Variants in ST6GALNAC2 observed in about 807,000 individuals in gnomAD.
ST6GALNAC2 encodes the protein ST6 N-acetylgalactosaminide alpha-2,6-sialyltransferase 2, also known as alpha-N-acetylgalactosaminide alpha-2,6-sialyltransferase 2.
In ST6GALNAC2, 42 loss-of-function variants were observed where a neutral mutation model predicts 38.7. The ratio of observed to expected loss-of-function variants is 1.09; its 90% confidence interval spans 0.85 to 1.40. The LOEUF is 1.40. Among genes scored for constraint, ST6GALNAC2 ranks in the 40% most tolerant of loss-of-function variants. ST6GALNAC2 has a pLI of 0.00. For synonymous variants in ST6GALNAC2, 233 were observed against 209.0 expected (o/e 1.11, Z -0.99); for missense variants, 506 against 481.7 (o/e 1.05, Z -0.47).
At chr17:76,583,624 CTG>C (rs2075507268) in intron 1 of ST6GALNAC2, among the ~76,000 whole-genome samples, 1 of 135,392 alleles carries the variant, frequency 7.4e-6, no homozygotes, top group African/African-American at 2.8e-5. Flanking sequence ...TTTTTCTTTT[CTG>C]CTCCTTGTGG....
intron 6 of ST6GALNAC2, chr17:76,569,951 A>C (rs2075334331): frequency 5.3e-6 from 1 of 189,502 alleles, no homozygotes; most frequent in South Asian, 1.9e-4. Flanking sequence ...AAATTGTCTC[A>C]GAACCCCCGG....
rs1394302172 is a variant in ST6GALNAC2 at position 76,568,796 on chromosome 17, C to T, written c.774G>A (p.Arg258=). 1.2e-6 allele frequency: 2 copies of T among 1,613,022 alleles called. No individual in the cohort carries two copies. The highest frequency in any genetic ancestry group is 1.7e-6 in the Non-Finnish European group (2 of 1,179,904). Residue 258 remains arginine, a splice_region_variant and synonymous_variant, in exon 7 of 9, where the codon AGG becomes AGA. Transcript: ENST00000225276. ...PVPEGLDKGD[R]PHAYFGPEAS... ...CTTCTGGTCCAAAATAGGCGTGCGG[C>T]CTAGGACCCATGATAGAAGTGGACA...
chr17:76,583,651 A>G (rs186398741), intron 1 of ST6GALNAC2, among the ~76,000 whole-genome samples: 39 of 147,002 alleles, frequency 2.7e-4, no homozygotes, highest in African/African-American at 9.6e-4. Context: ...GGGCTACCCC[A>G]TAGGCAGTGG....
At chr17:76,583,375 C>CAAAA (rs71158028) in intron 1 of ST6GALNAC2, among the ~76,000 whole-genome samples, 1 of 97,528 alleles carries the variant, frequency 1.0e-5, no homozygotes, top group East Asian at 3.2e-4. Flanking sequence ...GACTCTGTCC[C>CAAAA]AAAAAAAAAA....
chr17:76,577,063 CTTTT>C (rs201269670), intron 2 of ST6GALNAC2, among the ~76,000 whole-genome samples: 1 of 116,530 alleles, frequency 8.6e-6, no homozygotes, highest in Non-Finnish European at 1.7e-5. Flanking sequence ...TCTTTTTTTT[CTTTT>C]TTTTTTTTTT....
At chr17:76,579,532 G>C (rs8070864) in intron 1 of ST6GALNAC2, among the ~76,000 whole-genome samples, 1 of 152,114 alleles carries the variant, frequency 6.6e-6, no homozygotes, top group Non-Finnish European at 1.5e-5. Context: ...TACAATCCTG[G>C]TTAAGGTTAT....
chr17:76,580,186 C>A (rs556505675), intron 1 of ST6GALNAC2, among the ~76,000 whole-genome samples: 3 of 152,112 alleles, frequency 2.0e-5, no homozygotes, highest in African/African-American at 7.2e-5. Context: ...TTTGGGAGAC[C>A]GAGGTGGGTG....
rs2075383508 is a variant in ST6GALNAC2, at chr17:76,573,921, A to G, written c.361+444T>C. On this transcript the variant is annotated intron_variant, in intron 3 of 8. Coordinates refer to ENST00000225276, the MANE Select transcript of ST6GALNAC2 (RefSeq NM_006456.3). This position sits in a 1 kb window ranked among gnomAD's most constrained non-coding sequence, Gnocchi z 5.1. ...AGCCTGAGTGACAGAGCGAGACTCC[A>G]TCTCAAAAATAAAAAAGACTGTATA... Among the ~76,000 whole-genome samples the G allele has an allele frequency of 6.6e-6, 1 of 152,108 alleles. No homozygotes were observed. Among genetic ancestry groups the G allele is most frequent in the South Asian group, 2.1e-4 (1 of 4,808 alleles).
chr17:76,572,511 A>C (rs1269350125), intron 5 of ST6GALNAC2, 126 bp downstream of exon 5: 2 of 1,168,096 alleles, frequency 1.7e-6, no homozygotes, highest in Admixed American at 2.4e-5. Flanking sequence ...TCTTGCATCC[A>C]GAATCCTGGC....
At position 76,565,921 on chromosome 17, in the gene ST6GALNAC2, G is replaced by T; in HGVS notation, c.*183C>A. 1 of 601,728 alleles carries T rather than the reference G, an allele frequency of 1.7e-6. No individual in the cohort carries two copies. Among genetic ancestry groups the T allele is most frequent in the Non-Finnish European group, 2.8e-6 (1 of 351,024 alleles). The allele number at this position is 601,728 out of a possible 1,614,324, so 37.3% of individuals were successfully genotyped here. On this transcript the variant is annotated 3_prime_UTR_variant, in exon 9 of 9. Coordinates refer to ENST00000225276, the MANE Select transcript of ST6GALNAC2 (RefSeq NM_006456.3). ...TTGTTTTAGATACAGAAGAGTTCTT[G>T]GATGAGCCAAGGACAAGCTGGGGTG...
chr17:76,568,421 C>CTGACGGCGCCACTGCTGA, intron 7 of ST6GALNAC2: 1 of 464,800 alleles, frequency 2.2e-6, no homozygotes, highest in Non-Finnish European at 3.9e-6. Context: ...GCCACTGCTG[C>CTGACGGCGCCACTGCTGA]TGTGCACCTT....
intron 1 of ST6GALNAC2, among the ~76,000 whole-genome samples, chr17:76,579,896 C>G (rs987421494): frequency 6.6e-6 from 1 of 152,162 alleles, no homozygotes; most frequent in African/African-American, 2.4e-5. Flanking sequence ...TGTAAATGAT[C>G]CAACTCAGGT....
In ST6GALNAC2 at chr17:76,572,776, C is replaced by A. The variant is rs1431409811; in HGVS notation, c.531-1G>T. The A allele has an allele frequency of 6.2e-7, 1 of 1,614,092 alleles. No individual in the cohort carries two copies. The highest frequency in any genetic ancestry group is 8.5e-7 in the Non-Finnish European group (1 of 1,180,006). On this transcript the variant is annotated splice_acceptor_variant, in intron 4 of 8. Coordinates refer to ENST00000225276, the MANE Select transcript of ST6GALNAC2 (RefSeq NM_006456.3). LOFTEE classifies it high-confidence loss of function. ...GCCTTTGATCACAGCTCCATTGAGTCTGGTTGGCACAGAGGCCCATCAGTG... is the reference window on the plus strand; with the variant it reads ...GCCTTTGATCACAGCTCCATTGAGTATGGTTGGCACAGAGGCCCATCAGTG...
Position 76,573,225 on chromosome 17 carries a change from G to A in ST6GALNAC2, c.500C>T (p.Pro167Leu). The A allele has an allele frequency of 6.2e-7, 1 of 1,613,372 alleles. No individual in the cohort carries two copies. The highest frequency in any genetic ancestry group is 8.5e-7 in the Non-Finnish European group (1 of 1,179,736). Residue 167 changes from proline (P) to leucine (L), a missense_variant, in exon 4 of 9, where the codon CCC becomes CTC. Transcript: ENST00000225276. The surrounding 1 kb of genome is among the most constrained non-coding windows in gnomAD (Gnocchi z 5.1). Reference protein sequence around the residue: ...GGILNGSRQGPNIDAHDYVFR... With the variant: ...GGILNGSRQGLNIDAHDYVFR... The stretch of plus-strand genomic sequence containing the variant: ...TACATAGTCATGGGCATCGATGTTG[G>A]GACCCTGGCGGGACCCATTCAGAAT...
chr17:76,567,237 C>A (rs531752723), intron 8 of ST6GALNAC2, among the ~76,000 whole-genome samples: 5 of 152,162 alleles, frequency 3.3e-5, no homozygotes, highest in African/African-American at 9.6e-5. Flanking sequence ...GGCAGGTGTC[C>A]GGAGCCAAGG....
At chr17:76,570,389 A>G in intron 6 of ST6GALNAC2, 176 bp downstream of exon 6, 1 of 588,138 alleles carries the variant, frequency 1.7e-6, no homozygotes, top group Non-Finnish European at 3.0e-6. Flanking sequence ...CAAAAAGTAG[A>G]ATTTCCCAGT....
chr17:76,574,392 A>G lies in ST6GALNAC2; in HGVS notation c.334T>C (p.Tyr112His). The change falls in exon 3 of 9, where the codon TAT becomes CAT. Residue 112 changes from tyrosine (Y) to histidine (H), a missense_variant. Coordinates refer to ENST00000225276, the MANE Select transcript of ST6GALNAC2 (RefSeq NM_006456.3). Reference protein sequence around the residue: ...WDRLSQHKAPYGWRGLSHQVI... With the variant: ...WDRLSQHKAPHGWRGLSHQVI... ...TGGTGAGAGAGCCCCCGCCAGCCATACGGGGCTTTGTGTTGGCTCAGGCGG... is the reference window on the plus strand; with the variant it reads ...TGGTGAGAGAGCCCCCGCCAGCCATGCGGGGCTTTGTGTTGGCTCAGGCGG... The G allele has an allele frequency of 6.2e-7, 1 of 1,613,594 alleles. No homozygotes were observed. Among genetic ancestry groups the G allele is most frequent in the Non-Finnish European group, 8.5e-7 (1 of 1,179,784 alleles).
At chr17:76,584,893 C>G (rs897955689) in intron 1 of ST6GALNAC2, among the ~76,000 whole-genome samples, 2 of 152,242 alleles carry the variant, frequency 1.3e-5, no homozygotes, top group African/African-American at 2.4e-5. Flanking sequence ...ACCCAGACTT[C>G]GCACGGCTTG....
chr17:76,574,527 G>T lies in ST6GALNAC2; in HGVS notation c.199C>A (p.Arg67=), dbSNP rs749417824. ...TGAATGGCCAGGTGAAGCAGGTGTC[G>T]GCAGGCCTGGCCCTGTGGGTGAGAA... is the stretch of plus-strand genomic sequence containing the variant. The part of the protein sequence containing the change: ...NSWTGKGQAC[R]HLLHLAIQRH... The change falls in exon 3 of 9, where the codon CGA becomes AGA. Residue 67 remains arginine (R), a synonymous_variant. Coordinates refer to ENST00000225276, the MANE Select transcript of ST6GALNAC2 (RefSeq NM_006456.3). 8 of 1,612,766 alleles carry T rather than the reference G, an allele frequency of 5.0e-6. No homozygotes were observed. The highest frequency in any genetic ancestry group is 4.2e-6 in the Non-Finnish European group (5 of 1,179,624).
Sources: gnomAD v4.1 joint callset for allele counts (sites outside exome capture counted in the v4.1 genomes callset) on GRCh38, gnomAD v4.1.1 for gene constraint, Gnocchi (gnomAD v3.1) non-coding constraint, MANE v1.5 for transcripts, NCBI Gene and HGNC (gene_info 2026-07-23, HGNC 2026-07-21) for gene names.